The following EXOC6B variants were observed in gnomAD, a reference collection of about 807,000 sequenced individuals.
EXOC6B encodes SEC15 homolog B.
Under a neutral mutation model 113.5 loss-of-function variants are expected in EXOC6B, and 54 were observed. The ratio of observed to expected loss-of-function variants is 0.48; its 90% confidence interval spans 0.38 to 0.60. The LOEUF (loss-of-function observed/expected upper bound fraction) is 0.60. EXOC6B is among the 20% of genes least tolerant of loss of function. The pLI is 0.00. For synonymous variants in EXOC6B, 357 were observed against 339.0 expected (o/e 1.05, Z -0.58); for missense variants, 797 against 977.5 (o/e 0.82, Z 2.46).
chr2:72,307,762 T>C (rs551888746), intron 20 of EXOC6B, among the ~76,000 whole-genome samples: 1 of 152,310 alleles, frequency 6.6e-6, no homozygotes, highest in African/African-American at 2.4e-5. Flanking sequence ...TAGAACATGA[T>C]ACTGTATATA....
At chr2:72,551,626 T>C (rs1411280665) in intron 8 of EXOC6B, among the ~76,000 whole-genome samples, 2 of 151,720 alleles carry the variant, frequency 1.3e-5, no homozygotes, top group African/African-American at 4.8e-5. Context: ...TGCCTCAGCC[T>C]CACGAGTAGC....
At chr2:72,811,691 C>A (rs1261081429) in intron 1 of EXOC6B, among the ~76,000 whole-genome samples, 2 of 152,076 alleles carry the variant, frequency 1.3e-5, no homozygotes, top group African/African-American at 2.4e-5. Context: ...AAATAGAACT[C>A]AGAGACAAAT....
intron 20 of EXOC6B, among the ~76,000 whole-genome samples, chr2:72,293,556 C>T (rs1685940393): frequency 1.3e-5 from 2 of 152,060 alleles, no homozygotes; most frequent in Admixed American, 1.3e-4. Context: ...ATGTGCCCTT[C>T]AGCTATGGAT....
At chr2:72,395,604 A>C (rs1431415417) in intron 18 of EXOC6B, among the ~76,000 whole-genome samples, 4 of 152,158 alleles carry the variant, frequency 2.6e-5, no homozygotes, top group Non-Finnish European at 4.4e-5. Context: ...TGCATGAACC[A>C]ACACATCCAT....
Position 72,825,609 on chromosome 2 carries a change from C to A in EXOC6B, c.113+189G>T, listed in dbSNP as rs1686855410. ...AGCGGGAGGGTCCTGAGTCACTGGG[C>A]TGTAGGGCGCCGGGAAGGGACCCCG... On this transcript the variant is annotated intron_variant, in intron 1 of 21. Transcript: ENST00000272427. This position sits in a 1 kb window ranked among gnomAD's most constrained non-coding sequence, Gnocchi z 4.4. 6.6e-6 allele frequency among the ~76,000 whole-genome samples: 1 copy of A among 152,196 alleles called. No individual in the cohort carries two copies. The highest frequency in any genetic ancestry group is 2.1e-4 in the South Asian group (1 of 4,832).
rs930457484 is a variant in EXOC6B, at chr2:72,631,220, ATG to A, written c.670-55554_670-55553del. Among the ~76,000 whole-genome samples, 7 of 151,742 alleles carry A rather than the reference ATG, an allele frequency of 4.6e-5. No homozygotes were observed. The South Asian group carries it at 8.3e-4, about 18-fold the overall frequency. ...TATATATATATGCATATGTGTATATATGTGTGTGTACATATATGTATATGTGT... is the reference window on the plus strand; with the variant it reads ...TATATATATATGCATATGTGTATATATGTGTGTACATATATGTATATGTGT... On this transcript the variant is annotated intron_variant, in intron 6 of 21. Coordinates refer to ENST00000272427, the MANE Select transcript of EXOC6B (RefSeq NM_015189.3).
intron 18 of EXOC6B, among the ~76,000 whole-genome samples, chr2:72,459,291 G>A (rs1278703719): frequency 3.7e-4 from 54 of 144,104 alleles, no homozygotes; most frequent in South Asian, 1.3e-3. Context: ...TTGAAAACTG[G>A]CACAAGACAG....
At chr2:72,765,286 C>CA (rs1405799943) in intron 1 of EXOC6B, among the ~76,000 whole-genome samples, 2 of 151,192 alleles carry the variant, frequency 1.3e-5, no homozygotes, top group Admixed American at 6.6e-5. Flanking sequence ...CACCCTCTCT[C>CA]AAAAAAAAAT....
At chr2:72,389,970 G>C (rs955277107) in intron 18 of EXOC6B, among the ~76,000 whole-genome samples, 1 of 152,006 alleles carries the variant, frequency 6.6e-6, no homozygotes, top group Non-Finnish European at 1.5e-5. Context: ...AGAATCTCAG[G>C]TTCAGGAAAA....
intron 1 of EXOC6B, among the ~76,000 whole-genome samples, chr2:72,802,178 A>G (rs931764353): frequency 3.3e-5 from 5 of 152,062 alleles, no homozygotes; most frequent in African/African-American, 9.7e-5. Context: ...CAAAAAAAAT[A>G]GCCGGGCATG....
intron 2 of EXOC6B, 141 bp from the exon 3 acceptor site, chr2:72,733,259 T>A: frequency 1.5e-6 from 1 of 651,444 alleles, no homozygotes; most frequent in Non-Finnish European, 2.7e-6. Context: ...CCAGTGGCAT[T>A]CTCTTGGGTT....
chr2:72,579,846 A>T (rs1705095564), intron 6 of EXOC6B, among the ~76,000 whole-genome samples: 1 of 152,334 alleles, frequency 6.6e-6, no homozygotes, highest in African/African-American at 2.4e-5. Context: ...TTTAGGCCTT[A>T]GAGGCCAAAT....
At chr2:72,656,106 T>C (rs902510818) in intron 6 of EXOC6B, among the ~76,000 whole-genome samples, 4 of 151,952 alleles carry the variant, frequency 2.6e-5, no homozygotes, top group African/African-American at 9.7e-5. Context: ...CCAAAAACAT[T>C]TTGAACTGAA....
intron 18 of EXOC6B, among the ~76,000 whole-genome samples, chr2:72,406,620 A>C (rs964395150): frequency 6.6e-6 from 1 of 152,224 alleles, no homozygotes; most frequent in African/African-American, 2.4e-5. Flanking sequence ...ACATAACGAA[A>C]TGAAGGCAGA....
intron 20 of EXOC6B, among the ~76,000 whole-genome samples, chr2:72,330,368 G>A (rs1265437248): frequency 6.6e-6 from 1 of 151,910 alleles, no homozygotes; most frequent in East Asian, 1.9e-4. Context: ...GGTATATGAG[G>A]AAGACAAACA....
Position 72,370,655 on chromosome 2 carries a change from A to T in EXOC6B, c.2122+9074T>A, listed in dbSNP as rs112736410. On this transcript the variant is annotated intron_variant, in intron 19 of 21. Coordinates refer to ENST00000272427, the MANE Select transcript of EXOC6B (RefSeq NM_015189.3). ...AGGCTGGATCAAGAAAAGTTGGCACATATACACCATGGAATACTATTCAGC... is the reference window on the plus strand; with the variant it reads ...AGGCTGGATCAAGAAAAGTTGGCACTTATACACCATGGAATACTATTCAGC... Among the ~76,000 whole-genome samples the T allele has an allele frequency of 1.2e-3, 181 of 152,356 alleles. 2 individuals are homozygous for T. The highest frequency in any genetic ancestry group is 4.2e-3 in the African/African-American group (175 of 41,582).
chr2:72,253,256 A>G (rs1466029873), intron 20 of EXOC6B, among the ~76,000 whole-genome samples: 1 of 152,222 alleles, frequency 6.6e-6, no homozygotes, highest in Non-Finnish European at 1.5e-5. Context: ...GGGAATGTAA[A>G]TTAGTTCAGC....
At chr2:72,551,537 C>T (rs1703223482) in intron 8 of EXOC6B, among the ~76,000 whole-genome samples, 1 of 145,784 alleles carries the variant, frequency 6.9e-6, no homozygotes, top group African/African-American at 2.6e-5. Flanking sequence ...CGGAGTCTCG[C>T]TCTGTCCCCC....
chr2:72,748,592 T>C (rs1453876101), intron 1 of EXOC6B, among the ~76,000 whole-genome samples: 1 of 152,078 alleles, frequency 6.6e-6, no homozygotes. Flanking sequence ...ATTTTTGTAC[T>C]GCCACAGGAG....
Sources: gnomAD v4.1 joint callset for allele counts (sites outside exome capture counted in the v4.1 genomes callset) on GRCh38, gnomAD v4.1.1 for gene constraint, Gnocchi (gnomAD v3.1) non-coding constraint, MANE v1.5 for transcripts, NCBI Gene and HGNC (gene_info 2026-07-23, HGNC 2026-07-21) for gene names.